ANKRD11: variants seen among roughly 807,000 people sequenced by gnomAD.
ANKRD11 encodes the protein ankyrin repeat domain 11, also known as ankyrin repeat domain-containing protein 11.
Under a neutral mutation model 195.7 loss-of-function variants are expected in ANKRD11, and 17 were observed. The observed-to-expected ratio is 0.09, with a 90% CI of 0.06 to 0.13. ANKRD11 has a LOEUF of 0.13. Ranked by LOEUF, ANKRD11 falls within the 10% of genes least tolerant of loss-of-function variation. The probability of loss-of-function intolerance (pLI) is 1.00; values close to 1 mark genes in which losing one functional copy is unlikely to be tolerated. For missense variants in ANKRD11, 3,735 were observed against 3,566.1 expected (o/e 1.05, Z -1.21); for synonymous variants, 1,953 against 1,528.1 (o/e 1.28, Z -6.49).
In ANKRD11 at chr16:89,280,251, G is replaced by T; in HGVS notation, c.6291C>A (p.Pro2097=). The T allele has an allele frequency of 1.2e-6, 2 of 1,608,608 alleles. No individual in the cohort carries two copies. The highest frequency in any genetic ancestry group is 1.7e-6 in the Non-Finnish European group (2 of 1,179,474). ...TGCCGTCCAGGAAGCTATTTTCCAGGGGCCCCAGAGCCTCCACCTGAGCCA... is the reference window on the plus strand; with the variant it reads ...TGCCGTCCAGGAAGCTATTTTCCAGTGGCCCCAGAGCCTCCACCTGAGCCA... ...AAVAQVEALG[P]LENSFLDGSR... is the part of the protein sequence containing the mutation. Residue 2097 remains proline, a synonymous_variant, in exon 9 of 13, where the codon CCC becomes CCA. Transcript: ENST00000301030.
intron 3 of ANKRD11, among the ~76,000 whole-genome samples, chr16:89,312,781 T>C (rs907207767): frequency 5.3e-5 from 8 of 152,200 alleles, no homozygotes; most frequent in Non-Finnish European, 8.8e-5. Context: ...CATGCCAGAC[T>C]GGCTCGTGAA....
intron 2 of ANKRD11, among the ~76,000 whole-genome samples, chr16:89,330,524 C>A (rs572438117): frequency 2.0e-5 from 3 of 151,174 alleles, no homozygotes; most frequent in Non-Finnish European, 4.4e-5. Context: ...GACGTGGCAG[C>A]GGGTTTCCAC....
At position 89,423,830 on chromosome 16, in the gene ANKRD11, G is replaced by A. The variant is rs560358865; in HGVS notation, c.-144-5462C>T. 2.0e-4 allele frequency among the ~76,000 whole-genome samples: 30 copies of A among 152,266 alleles called. 1 individual carries two copies. The highest frequency in any genetic ancestry group is 1.9e-3 in the South Asian group (9 of 4,824). Reference sequence around the variant, plus strand: ...AGCCAGCCTGCGGATGTAACAAACCGCACGGCTCGTGCACCTAGAAGGTCA... The same window carrying A: ...AGCCAGCCTGCGGATGTAACAAACCACACGGCTCGTGCACCTAGAAGGTCA... On this transcript the variant is annotated intron_variant, in intron 1 of 12. Transcript: ENST00000301030.
intron 2 of ANKRD11, among the ~76,000 whole-genome samples, chr16:89,395,089 T>C (rs1289691010): frequency 6.6e-6 from 1 of 152,124 alleles, no homozygotes; most frequent in Non-Finnish European, 1.5e-5. Flanking sequence ...TTAAACCAAG[T>C]GACCAGGCTG....
intron 2 of ANKRD11, among the ~76,000 whole-genome samples, chr16:89,415,430 A>G (rs1242303810): frequency 3.3e-5 from 5 of 150,132 alleles, no homozygotes; most frequent in African/African-American, 1.2e-4. Flanking sequence ...ATGCCCGGCT[A>G]ATTTTTTGTA....
chr16:89,274,378 G>A (rs1457063126), intron 11 of ANKRD11, among the ~76,000 whole-genome samples: 1 of 152,200 alleles, frequency 6.6e-6, no homozygotes, highest in Admixed American at 6.5e-5. Flanking sequence ...TGTCCCTGCT[G>A]TCCCCGTATG....
At position 89,279,410 on chromosome 16, in the gene ANKRD11, C is replaced by T. The variant is rs1036666745; in HGVS notation, c.7132G>A (p.Asp2378Asn). 5.9e-6 allele frequency: 9 copies of T among 1,537,722 alleles called. No individual in the cohort carries two copies. In the South Asian group the frequency reaches 8.3e-5, roughly 14 times the overall value. The change falls in exon 9 of 13, where the codon GAC becomes AAC. Residue 2378 changes from aspartate (D) to asparagine (N), a missense_variant. Asp to Asn is a conservative substitution (Grantham distance 23). Transcript: ENST00000301030. This position sits in a 1 kb window ranked among gnomAD's most constrained non-coding sequence, Gnocchi z 5.6. ...TTGCGCGGATGCTGGGCCTGGGCGTCGTCGTCCTCGGAGCCGCGGGCCTTG... is the reference window on the plus strand; with the variant it reads ...TTGCGCGGATGCTGGGCCTGGGCGTTGTCGTCCTCGGAGCCGCGGGCCTTG... ...RAKARGSEDDDAQAQHPRKRR... is the reference protein window; with the variant it reads ...RAKARGSEDDNAQAQHPRKRR...
chr16:89,457,238 C>T (rs929272867), intron 1 of ANKRD11, among the ~76,000 whole-genome samples: 29 of 151,026 alleles, frequency 1.9e-4, no homozygotes, highest in African/African-American at 6.8e-4. Context: ...GGATTACAGG[C>T]GTGAGCCACC....
chr16:89,304,312 G>A (rs1463209554), intron 4 of ANKRD11, among the ~76,000 whole-genome samples: 2 of 149,792 alleles, frequency 1.3e-5, no homozygotes, highest in Non-Finnish European at 3.0e-5. Context: ...AGGCACACAC[G>A]TACACATGGG....
At chr16:89,362,340 AG>A (rs1280589585) in intron 2 of ANKRD11, among the ~76,000 whole-genome samples, 1 of 152,222 alleles carries the variant, frequency 6.6e-6, no homozygotes, top group Non-Finnish European at 1.5e-5. Flanking sequence ...CACCTTGCAC[AG>A]CCCGCAGTCC....
chr16:89,435,796 T>A (rs374885702), intron 1 of ANKRD11, among the ~76,000 whole-genome samples: 3 of 143,018 alleles, frequency 2.1e-5, no homozygotes, highest in Non-Finnish European at 3.1e-5. Flanking sequence ...CACCAGCTCT[T>A]CACACACACA....
intron 2 of ANKRD11, among the ~76,000 whole-genome samples, chr16:89,379,936 C>T (rs1219368494): frequency 2.6e-5 from 4 of 152,176 alleles, no homozygotes; most frequent in African/African-American, 9.7e-5. Flanking sequence ...TTCCAATCAT[C>T]ATTTCTCAAA....
intron 1 of ANKRD11, among the ~76,000 whole-genome samples, chr16:89,428,494 CAG>C (rs1166543557): frequency 6.7e-6 from 1 of 150,126 alleles, no homozygotes; most frequent in Non-Finnish European, 1.5e-5. Flanking sequence ...CCCTACACTC[CAG>C]CCTGGGTGAC....
intron 2 of ANKRD11, among the ~76,000 whole-genome samples, chr16:89,388,108 C>G (rs1309754242): frequency 6.6e-6 from 1 of 151,972 alleles, no homozygotes; most frequent in Non-Finnish European, 1.5e-5. Flanking sequence ...AGTCCCTGTA[C>G]AGCCTTACCC....
At position 89,394,359 on chromosome 16, in the gene ANKRD11, T is replaced by C. The variant is rs181257948; in HGVS notation, c.-60+23925A>G. ...AAAACAGCTCGTGGGCCAGGCACAG[T>C]GGCTCCCGCCCGTAATCCCAGCACT... On this transcript the variant is annotated intron_variant, in intron 2 of 12. Coordinates refer to ENST00000301030, the MANE Select transcript of ANKRD11 (RefSeq NM_013275.6). Among the ~76,000 whole-genome samples the C allele has an allele frequency of 4.6e-3, 694 of 152,318 alleles. 8 individuals carry two copies. The highest frequency in any genetic ancestry group is 7.4e-3 in the Non-Finnish European group (502 of 68,030).
intron 2 of ANKRD11, among the ~76,000 whole-genome samples, chr16:89,375,078 A>G (rs2152090094): frequency 6.6e-6 from 1 of 152,216 alleles, no homozygotes; most frequent in African/African-American, 2.4e-5. Context: ...GCAGAGGGAA[A>G]CGTAAACAAA....
chr16:89,407,370 GACA>G (rs1186013022), intron 2 of ANKRD11, among the ~76,000 whole-genome samples: 1 of 152,126 alleles, frequency 6.6e-6, no homozygotes, highest in Admixed American at 6.5e-5. Flanking sequence ...TAAAGAAAGA[GACA>G]ACGAGATAAA....
chr16:89,476,804 T>C (rs1232858980), intron 1 of ANKRD11, among the ~76,000 whole-genome samples: 1 of 151,844 alleles, frequency 6.6e-6, no homozygotes, highest in Admixed American at 6.6e-5. Context: ...TCTGGTTCTC[T>C]CAGAGGCATG....
In ANKRD11 at chr16:89,308,454, C is replaced by A. The variant is rs1283175401; in HGVS notation, c.88-3110G>T. 2.6e-5 allele frequency among the ~76,000 whole-genome samples: 4 copies of A among 152,316 alleles called. No individual in the cohort carries two copies. The East Asian group carries it at 5.8e-4, about 22-fold the overall frequency. On this transcript the variant is annotated intron_variant, in intron 3 of 12. Transcript: ENST00000301030. ...GTCAAGGCAAGACTGCCTACAGGCACCACCCAACAGGCACTTCACAAAAGA... is the reference window on the plus strand; with the variant it reads ...GTCAAGGCAAGACTGCCTACAGGCAACACCCAACAGGCACTTCACAAAAGA...
Sources: gnomAD v4.1 joint callset for allele counts (sites outside exome capture counted in the v4.1 genomes callset) on GRCh38, gnomAD v4.1.1 for gene constraint, Gnocchi (gnomAD v3.1) non-coding constraint, MANE v1.5 for transcripts, NCBI Gene and HGNC (gene_info 2026-07-23, HGNC 2026-07-21) for gene names.